PCSK2: variants seen among roughly 807,000 people sequenced by gnomAD.
PCSK2 encodes neuroendocrine convertase 2.
Under a neutral mutation model 69.7 loss-of-function variants are expected in PCSK2, and 14 were observed. That is an observed-to-expected ratio of 0.20 (90% CI 0.13 to 0.31). The LOEUF is 0.31. PCSK2 is among the 10% of genes least tolerant of loss of function. The pLI is 1.00. For missense variants in PCSK2, 544 were observed against 842.5 expected, an observed-to-expected ratio of 0.65 and a Z score of 4.39; for synonymous variants, 307 against 320.7, an observed-to-expected ratio of 0.96 and a Z score of 0.46.
At chr20:17,408,275 C>A (rs893312009) in intron 5 of PCSK2, among the ~76,000 whole-genome samples, 2 of 151,916 alleles carry the variant, frequency 1.3e-5, no homozygotes, top group African/African-American at 4.8e-5. Flanking sequence ...GAGAGAGCAG[C>A]TTCTCCAAGC....
chr20:17,261,868 C>G (rs561779651), intron 2 of PCSK2, among the ~76,000 whole-genome samples: 2 of 152,184 alleles, frequency 1.3e-5, no homozygotes, highest in Non-Finnish European at 2.9e-5. Context: ...CTTAAAAGTC[C>G]CATTGGCTAC....
At chr20:17,396,222 A>G (rs533485609) in intron 5 of PCSK2, among the ~76,000 whole-genome samples, 7 of 152,310 alleles carry the variant, frequency 4.6e-5, no homozygotes, top group African/African-American at 1.4e-4. Flanking sequence ...CACGGTTGCT[A>G]TTGTAGACCC....
At chr20:17,388,918 G>T (rs994460556) in intron 5 of PCSK2, among the ~76,000 whole-genome samples, 2 of 152,072 alleles carry the variant, frequency 1.3e-5, no homozygotes, top group African/African-American at 4.8e-5. Flanking sequence ...TATCTACTCT[G>T]GGGCTCATTA....
intron 2 of PCSK2, among the ~76,000 whole-genome samples, chr20:17,347,879 AGAAAGAAAGAAAGAAAG>A (rs1568612250): frequency 3.1e-4 from 1 of 3,198 alleles, no homozygotes; most frequent in Non-Finnish European, 9.3e-4. Flanking sequence ...GAAAAAAGAA[AGAAAGAAAGAAAGAAAG>A]AAAGAAAGAA....
intron 5 of PCSK2, among the ~76,000 whole-genome samples, chr20:17,397,230 C>T (rs1600547033): frequency 1.3e-5 from 2 of 152,266 alleles, no homozygotes; most frequent in East Asian, 3.9e-4. Flanking sequence ...GAAATATAAG[C>T]ACATTTTAAA....
intron 2 of PCSK2, among the ~76,000 whole-genome samples, chr20:17,262,183 C>A (rs1987415370): frequency 6.6e-6 from 1 of 152,160 alleles, no homozygotes; most frequent in Non-Finnish European, 1.5e-5. Context: ...AATCATTTGT[C>A]TTTCTCTTCA....
intron 2 of PCSK2, among the ~76,000 whole-genome samples, chr20:17,329,613 C>T (rs556003747): frequency 5.9e-5 from 9 of 152,350 alleles, no homozygotes; most frequent in Admixed American, 5.9e-4. Flanking sequence ...AAACTTCGCT[C>T]TCTCAGCTAA....
chr20:17,269,662 T>G (rs894180492), intron 2 of PCSK2, among the ~76,000 whole-genome samples: 10 of 152,152 alleles, frequency 6.6e-5, no homozygotes, highest in African/African-American at 2.4e-4. Context: ...TGACTCAGAA[T>G]GTTGAGAATC....
chr20:17,379,161 G>A (rs917702507), intron 5 of PCSK2, among the ~76,000 whole-genome samples: 2 of 152,174 alleles, frequency 1.3e-5, no homozygotes, highest in Non-Finnish European at 2.9e-5. Context: ...GGTGTCTAAG[G>A]CAGGCCTGAC....
chr20:17,284,713 G>C (rs985773270), intron 2 of PCSK2, among the ~76,000 whole-genome samples: 2 of 152,166 alleles, frequency 1.3e-5, no homozygotes, highest in Non-Finnish European at 2.9e-5. Context: ...TGACAGAGAA[G>C]AGATTTAACC....
At chr20:17,323,917 A>G (rs1989956381) in intron 2 of PCSK2, among the ~76,000 whole-genome samples, 1 of 152,208 alleles carries the variant, frequency 6.6e-6, no homozygotes, top group Admixed American at 6.5e-5. Flanking sequence ...CATCTTAGGC[A>G]GTTCCCACTT....
intron 2 of PCSK2, among the ~76,000 whole-genome samples, chr20:17,346,276 G>T (rs546419282): frequency 6.6e-6 from 1 of 152,112 alleles, no homozygotes; most frequent in Admixed American, 6.6e-5. Flanking sequence ...GGCGCTGTTG[G>T]CTCCCCTTTA....
At chr20:17,306,703 C>A (rs532575127) in intron 2 of PCSK2, among the ~76,000 whole-genome samples, 18 of 152,306 alleles carry the variant, frequency 1.2e-4, no homozygotes, top group Non-Finnish European at 2.5e-4. Flanking sequence ...GGTTCACTAA[C>A]AGAAGCATTT....
intron 5 of PCSK2, among the ~76,000 whole-genome samples, chr20:17,375,178 C>G (rs985645586): frequency 6.6e-6 from 1 of 152,090 alleles, no homozygotes; most frequent in African/African-American, 2.4e-5. Flanking sequence ...GAGGTTACAA[C>G]GTTGCACAAT....
At chr20:17,411,757 C>A (rs1417778590) in intron 6 of PCSK2, among the ~76,000 whole-genome samples, 10 of 152,248 alleles carry the variant, frequency 6.6e-5, no homozygotes, top group Admixed American at 5.9e-4. Flanking sequence ...GGAGACACCT[C>A]CCAGTAGGGG....
rs1989417675 is a variant in PCSK2 at position 17,308,942 on chromosome 20, C to G, written c.282+48598C>G. 1.3e-5 allele frequency among the ~76,000 whole-genome samples: 2 copies of G among 152,158 alleles called. 1 individual carries two copies. Reference sequence around the variant, plus strand: ...CACCACCACTTCTGCCAAACTCTATCACAGAGTAAATATCAAAGGAAATCA... The same window carrying G: ...CACCACCACTTCTGCCAAACTCTATGACAGAGTAAATATCAAAGGAAATCA... On this transcript the variant is annotated intron_variant, in intron 2 of 11. Transcript: ENST00000262545.
At chr20:17,363,023 G>C (rs1421823754) in intron 4 of PCSK2, among the ~76,000 whole-genome samples, 1 of 152,222 alleles carries the variant, frequency 6.6e-6, no homozygotes, top group Non-Finnish European at 1.5e-5. Context: ...GAATGGTATG[G>C]TGCCATGTCC....
intron 1 of PCSK2, among the ~76,000 whole-genome samples, chr20:17,230,101 C>A (rs1398264449): frequency 6.6e-6 from 1 of 152,186 alleles, no homozygotes; most frequent in Non-Finnish European, 1.5e-5. Flanking sequence ...CAGACACCGT[C>A]CTATCTTGCT....
intron 2 of PCSK2, among the ~76,000 whole-genome samples, chr20:17,311,950 G>T (rs1989529368): frequency 1.3e-5 from 2 of 152,074 alleles, no homozygotes; most frequent in Admixed American, 1.3e-4. Flanking sequence ...CCCTCATTCA[G>T]TATGTGCCCA....
Sources: gnomAD v4.1 joint callset for allele counts (sites outside exome capture counted in the v4.1 genomes callset) on GRCh38, gnomAD v4.1.1 for gene constraint, MANE v1.5 for transcripts, NCBI Gene and HGNC (gene_info 2026-07-23, HGNC 2026-07-21) for gene names.